PCBP2: variants seen among roughly 807,000 people sequenced by gnomAD.
PCBP2 encodes poly(rC) binding protein 2.
PCBP2 carries 4 observed loss-of-function variants against 50.1 expected under a neutral mutation model. The ratio of observed to expected loss-of-function variants is 0.08; its 90% CI spans 0.04 to 0.18. The LOEUF (loss-of-function observed/expected upper bound fraction) is 0.18. Ranked by LOEUF, PCBP2 falls within the 10% of genes least tolerant of loss-of-function variation. The pLI is 1.00. For missense variants in PCBP2, 161 were observed against 474.3 expected, an observed-to-expected ratio of 0.34 and a Z score of 6.14; for synonymous variants, 179 against 168.0, an observed-to-expected ratio of 1.07 and a Z score of -0.51.
chr12:53,471,751 T>G lies in PCBP2; in HGVS notation c.996T>G (p.Val332=). The G allele has an allele frequency of 5.6e-6, 9 of 1,613,520 alleles. No homozygotes were observed. The highest frequency in any genetic ancestry group is 7.6e-6 in the Non-Finnish European group (9 of 1,179,896). The change falls in exon 14 of 15, where the codon GTT becomes GTG. Residue 332 remains valine (V), a synonymous_variant. Transcript: ENST00000546463. The part of the protein sequence containing the change: ...NPVEGSTDRQ[V]TITGSAASIS... ...TGGAAGGATCTACTGATAGGCAGGT[T>G]ACCATCACTGGATCTGCTGCCAGCA...
intron 1 of PCBP2, 135 bp from the exon 2 acceptor site, chr12:53,454,591 G>A (rs1369647697): frequency 1.8e-6 from 1 of 567,926 alleles, no homozygotes; most frequent in Admixed American, 2.9e-5. Flanking sequence ...AGTTGTGCTT[G>A]GTGTGTATAT....
chr12:53,453,111 GA>G (rs1940703666), intron 1 of PCBP2: 1 of 152,050 alleles, frequency 6.6e-6, no homozygotes, highest in African/African-American at 2.4e-5. Context: ...AGTCAGGAGG[GA>G]AATTCGACAA....
intron 1 of PCBP2, among the ~76,000 whole-genome samples, chr12:53,453,515 C>A (rs962201681): frequency 6.6e-6 from 1 of 152,104 alleles, no homozygotes; most frequent in Non-Finnish European, 1.5e-5. Context: ...GACAGTTTGC[C>A]ATATACAGAA....
chr12:53,470,762 T>G (rs1287312961), intron 13 of PCBP2, among the ~76,000 whole-genome samples: 2 of 151,172 alleles, frequency 1.3e-5, no homozygotes, highest in East Asian at 1.9e-4. Context: ...ACCAGTTTTT[T>G]TTTTTTTTTT....
intron 1 of PCBP2, chr12:53,454,498 G>C (rs146843061): frequency 3.1e-6 from 1 of 327,404 alleles, no homozygotes; most frequent in African/African-American, 2.2e-5. Context: ...GAGAGTCAGC[G>C]GAAACCCTGT....
intron 14 of PCBP2, chr12:53,474,794 T>C (rs1942462389): frequency 2.8e-6 from 1 of 355,046 alleles, no homozygotes; most frequent in South Asian, 2.1e-5. Context: ...GCAGTTTTTG[T>C]CCTGTACTTA....
intron 1 of PCBP2, chr12:53,453,114 A>G (rs559519324): frequency 1.3e-5 from 2 of 151,932 alleles, no homozygotes; most frequent in African/African-American, 4.8e-5. Context: ...CAGGAGGGAA[A>G]TTCGACAAAT....
Position 53,459,126 on chromosome 12 carries a change from CATGGT to C in PCBP2, c.244-143_244-139del, listed in dbSNP as rs550449777. ...TACATCAAAAATAGTTTGAGAGGGG[CATGGT>C]ATTTGAACCTTTTGTCTATGGTGGA... On this transcript the variant is annotated intron_variant, in intron 5 of 14. Transcript: ENST00000546463. 254 of 500,112 alleles carry C rather than the reference CATGGT, an allele frequency of 5.1e-4. 1 individual carries two copies. The East Asian group carries it at 8.1e-3, about 16-fold the overall frequency. The allele number at this position is 500,112 out of a possible 1,614,324, so 31.0% of individuals were successfully genotyped here. A position where few individuals can be genotyped will look rare whatever the true frequency, so the allele number is the denominator to read the frequency against.
In PCBP2 at chr12:53,459,253, G is replaced by T; in HGVS notation, c.244-19G>T. The T allele has an allele frequency of 6.3e-7, 1 of 1,585,892 alleles. No individual in the cohort carries two copies. The highest frequency in any genetic ancestry group is 8.6e-7 in the Non-Finnish European group (1 of 1,164,452). ...AGTTTCCAGGGATCTGCTTATTGTG[G>T]TGTTCTTTCTTTCTGTAGGACATAA... On this transcript the variant is annotated intron_variant, in intron 5 of 14. Coordinates refer to ENST00000546463, the MANE Select transcript of PCBP2 (RefSeq NM_031989.5).
chr12:53,456,842 G>C (rs989186089), intron 5 of PCBP2, among the ~76,000 whole-genome samples: 4 of 152,152 alleles, frequency 2.6e-5, no homozygotes, highest in Non-Finnish European at 5.9e-5. Context: ...TAATGCATCA[G>C]TTGGGCAATT....
chr12:53,458,793 C>T lies in PCBP2; in HGVS notation c.244-479C>T, dbSNP rs571196572. Among the ~76,000 whole-genome samples the T allele has an allele frequency of 3.3e-5, 5 of 152,000 alleles. No homozygotes were observed. In the South Asian group the frequency reaches 1.0e-3, roughly 32 times the overall value. On this transcript the variant is annotated intron_variant, in intron 5 of 14. Transcript: ENST00000546463. ...AGCTGGGATTACAGGTGCCAGCCACCATGCTTAGCTAATTTTTGTATTTTT... is the reference window on the plus strand; with the variant it reads ...AGCTGGGATTACAGGTGCCAGCCACTATGCTTAGCTAATTTTTGTATTTTT...
chr12:53,478,939 TTAAAG>T (rs1345226058), intron 14 of PCBP2, among the ~76,000 whole-genome samples: 1 of 152,150 alleles, frequency 6.6e-6, no homozygotes, highest in Non-Finnish European at 1.5e-5. Context: ...CTCCAGGGCT[TTAAAG>T]TAAAGGCCTT....
In PCBP2 at chr12:53,459,268, G is replaced by A. The variant is rs375030749; in HGVS notation, c.244-4G>A. 1.5e-5 allele frequency: 24 copies of A among 1,596,012 alleles called. No homozygotes were observed. The African/African-American group carries it at 1.9e-4, about 13-fold the overall frequency. ...GCTTATTGTGGTGTTCTTTCTTTCT[G>A]TAGGACATAAGCAGCTCTATGACCA... On this transcript the variant is annotated splice_polypyrimidine_tract_variant and splice_region_variant and intron_variant, in intron 5 of 14. Transcript: ENST00000546463.
chr12:53,459,174 C>T, intron 5 of PCBP2, 98 bp from the exon 6 acceptor site: 1 of 1,034,794 alleles, frequency 9.7e-7, no homozygotes, highest in Non-Finnish European at 1.3e-6. Context: ...CTCGCATGTC[C>T]TAATAAGATC....
chr12:53,459,684 C>T (rs888784477), intron 6 of PCBP2: 4 of 265,648 alleles, frequency 1.5e-5, no homozygotes, highest in African/African-American at 9.0e-5. Flanking sequence ...CATGAGGCTA[C>T]ATAGTTCTTT....
chr12:53,463,894 A>G (rs1941624005), intron 8 of PCBP2, among the ~76,000 whole-genome samples: 1 of 152,192 alleles, frequency 6.6e-6, no homozygotes. Flanking sequence ...TCTCTTTCAC[A>G]TTGTGTTGAA....
At chr12:53,478,628 G>T (rs565801188) in intron 14 of PCBP2, among the ~76,000 whole-genome samples, 1 of 152,142 alleles carries the variant, frequency 6.6e-6, no homozygotes, top group Non-Finnish European at 1.5e-5. Context: ...ACCTGTTGAA[G>T]CCCCGTCTCT....
intron 1 of PCBP2, 32 bp from the exon 2 acceptor site, chr12:53,454,691 TTCC>T (rs1940858070): frequency 4.0e-6 from 3 of 749,926 alleles, no homozygotes; most frequent in Non-Finnish European, 4.8e-6. Context: ...CCTTGTTGTT[TTCC>T]TCCTCTGATT....
chr12:53,463,318 A>G (rs1401712818), intron 8 of PCBP2, among the ~76,000 whole-genome samples: 2 of 152,204 alleles, frequency 1.3e-5, no homozygotes, highest in Non-Finnish European at 2.9e-5. Context: ...GGACCATGGT[A>G]GTCCTATGCT....
Sources: gnomAD v4.1 joint callset for allele counts (sites outside exome capture counted in the v4.1 genomes callset) on GRCh38, gnomAD v4.1.1 for gene constraint, MANE v1.5 for transcripts, NCBI Gene and HGNC (gene_info 2026-07-23, HGNC 2026-07-21) for gene names.